The following QPCT variants were observed in gnomAD, a reference collection of about 807,000 sequenced individuals.
QPCT encodes the protein EC.
Under a neutral mutation model 43.4 loss-of-function variants are expected in QPCT, and 44 were observed. The ratio of observed to expected loss-of-function variants is 1.01; its 90% CI spans 0.80 to 1.30. The LOEUF (loss-of-function observed/expected upper bound fraction) is 1.30. QPCT is among the 50% of genes most tolerant of loss of function. QPCT has a pLI of 0.00. For synonymous variants in QPCT, 168 were observed against 168.4 expected, an observed-to-expected ratio of 1.00 and a Z score of 0.02; for missense variants, 526 against 436.5, an observed-to-expected ratio of 1.21 and a Z score of -1.83.
At chr2:37,345,339 ATG>A (rs1410825270) in intron 1 of QPCT, among the ~76,000 whole-genome samples, 1 of 152,100 alleles carries the variant, frequency 6.6e-6, no homozygotes, top group African/African-American at 2.4e-5. Context: ...CTCAGGACGG[ATG>A]TGTGTTGTTT....
chr2:37,352,205 C>T (rs942273872), intron 1 of QPCT, among the ~76,000 whole-genome samples: 3 of 152,126 alleles, frequency 2.0e-5, no homozygotes, highest in Admixed American at 2.0e-4. Context: ...ATTAGGCTTG[C>T]TATTAAAATC....
At chr2:37,362,570 T>C (rs997816582) in intron 3 of QPCT, among the ~76,000 whole-genome samples, 5 of 152,226 alleles carry the variant, frequency 3.3e-5, no homozygotes, top group Non-Finnish European at 5.9e-5. Flanking sequence ...TTTTTTTCTC[T>C]TTTGAAATCA....
At chr2:37,355,765 A>C (rs1433160013) in intron 2 of QPCT, among the ~76,000 whole-genome samples, 1 of 152,204 alleles carries the variant, frequency 6.6e-6, no homozygotes, top group Non-Finnish European at 1.5e-5. Flanking sequence ...GATAGAAATA[A>C]AAAAATTAAA....
chr2:37,362,358 C>T (rs887158572), intron 3 of QPCT, among the ~76,000 whole-genome samples: 3 of 152,116 alleles, frequency 2.0e-5, no homozygotes, highest in South Asian at 2.1e-4. Context: ...TTTTTGCCAA[C>T]GAGAAAATCT....
chr2:37,359,552 A>G (rs1672820629), intron 2 of QPCT, 28 bp from the exon 3 acceptor site: 1 of 1,579,496 alleles, frequency 6.3e-7, no homozygotes, highest in African/African-American at 1.4e-5. Flanking sequence ...CTTTAGATCT[A>G]AATTTTTTGT....
chr2:37,344,926 T>G, intron 1 of QPCT, 75 bp downstream of exon 1: 1 of 1,459,562 alleles, frequency 6.9e-7, no homozygotes, highest in African/African-American at 1.5e-5. Flanking sequence ...GGGTCAGCCC[T>G]ACCTAGGCAG....
Position 37,344,652 on chromosome 2 carries a change from A to C in QPCT, c.-80A>C. On this transcript the variant is annotated 5_prime_UTR_variant, in exon 1 of 7. Transcript: ENST00000338415. Reference sequence around the variant, plus strand: ...CGCAGTCGACCCAAGGGTGGAGAAGAGGGAAGGCGAAGGACGCGCGTTCCC... The same window carrying C: ...CGCAGTCGACCCAAGGGTGGAGAAGCGGGAAGGCGAAGGACGCGCGTTCCC... 2.6e-6 allele frequency: 4 copies of C among 1,518,294 alleles called. No homozygotes were observed. The highest frequency in any genetic ancestry group is 2.5e-5 in the East Asian group (1 of 39,732). 94.1% of individuals were successfully genotyped at this position (1,518,294 alleles called of 1,614,324 possible).
chr2:37,363,680 A>G (rs1399984805), intron 3 of QPCT, among the ~76,000 whole-genome samples: 6 of 147,738 alleles, frequency 4.1e-5, no homozygotes, highest in Non-Finnish European at 5.9e-5. Flanking sequence ...AAAAAAAAAA[A>G]TAGAAAGCAA....
Position 37,367,410 on chromosome 2 carries a change from T to C in QPCT, c.723+2T>C. ...GGCACCAGCCAACTGCATGGCATGG[T>C]TAGTCTGGGCAATTTCCCTAGCACT... On this transcript the variant is annotated splice_donor_variant, in intron 4 of 6. Transcript: ENST00000338415. LOFTEE classifies it high-confidence loss of function. 6.2e-7 allele frequency: 1 copy of C among 1,612,680 alleles called. No individual in the cohort carries two copies. The highest frequency in any genetic ancestry group is 8.5e-7 in the Non-Finnish European group (1 of 1,179,490).
chr2:37,348,165 G>A (rs1672546186), intron 1 of QPCT, among the ~76,000 whole-genome samples: 2 of 152,130 alleles, frequency 1.3e-5, no homozygotes, highest in Admixed American at 6.5e-5. Context: ...GTTGGGGGCT[G>A]GGTGTTGGTA....
At chr2:37,371,840 G>A (rs1208412591) in intron 5 of QPCT, among the ~76,000 whole-genome samples, 1 of 152,118 alleles carries the variant, frequency 6.6e-6, no homozygotes, top group East Asian at 1.9e-4. Flanking sequence ...AGGTGTTGCT[G>A]ATGTTGCTGG....
intron 1 of QPCT, among the ~76,000 whole-genome samples, chr2:37,348,492 G>A (rs1672554604): frequency 6.6e-6 from 1 of 152,204 alleles, no homozygotes; most frequent in Non-Finnish European, 1.5e-5. Context: ...ACAGACAGAG[G>A]TGTTAATCTG....
At position 37,372,848 on chromosome 2, in the gene QPCT, T is replaced by C; in HGVS notation, c.*21T>C. 1 of 1,574,216 alleles carries C rather than the reference T, an allele frequency of 6.4e-7. No homozygotes were observed. The highest frequency in any genetic ancestry group is 8.6e-7 in the Non-Finnish European group (1 of 1,157,292). On this transcript the variant is annotated 3_prime_UTR_variant, in exon 7 of 7. Transcript: ENST00000338415. ...TGTAATACTCTGATTTAGTTTAGGA[T>C]AATTGGTTCTAGAATTGAATTCAAA...
rs760121987 is a variant in QPCT, at chr2:37,367,422, A to G, written c.723+14A>G. The stretch of plus-strand genomic sequence containing the variant: ...CTGCATGGCATGGTTAGTCTGGGCA[A>G]TTTCCCTAGCACTGTAGCTGTAGGC... On this transcript the variant is annotated intron_variant, in intron 4 of 6. Coordinates refer to ENST00000338415, the MANE Select transcript of QPCT (RefSeq NM_012413.4). 3 of 1,611,448 alleles carry G rather than the reference A, an allele frequency of 1.9e-6. No individual in the cohort carries two copies. The highest frequency in any genetic ancestry group is 1.3e-5 in the African/African-American group (1 of 74,786).
At chr2:37,354,074 A>G (rs183068430) in intron 2 of QPCT, among the ~76,000 whole-genome samples, 18 of 152,334 alleles carry the variant, frequency 1.2e-4, no homozygotes, top group Admixed American at 1.0e-3. Flanking sequence ...CACGTTGGCC[A>G]GGATGGTCTC....
In QPCT at chr2:37,359,618, G is replaced by C. The variant is rs1672822190; in HGVS notation, c.306G>C (p.Trp102Cys). Residue 102 changes from tryptophan (W) to cysteine (C), a missense_variant, in exon 3 of 7, where the codon TGG (tryptophan) becomes TGC (cysteine). Coordinates refer to ENST00000338415, the MANE Select transcript of QPCT (RefSeq NM_012413.4). Reference sequence around the variant, plus strand: ...GAATTCAGAGGCTTCAGGCTGACTGGGTCTTGGAAATAGACACCTTCTTGA... The same window carrying C: ...GAATTCAGAGGCTTCAGGCTGACTGCGTCTTGGAAATAGACACCTTCTTGA... ...MQRIQRLQAD[W>C]VLEIDTFLSQ... 1 of 1,614,052 alleles carries C rather than the reference G, an allele frequency of 6.2e-7. No individual in the cohort carries two copies. Among genetic ancestry groups the C allele is most frequent in the South Asian group, 1.1e-5 (1 of 91,080 alleles).
At chr2:37,347,586 T>C (rs778893434) in intron 1 of QPCT, among the ~76,000 whole-genome samples, 18 of 152,034 alleles carry the variant, frequency 1.2e-4, no homozygotes, top group Non-Finnish European at 2.2e-4. Context: ...TTTGGTACCT[T>C]CTCTTCTGAC....
chr2:37,369,813 A>C, intron 5 of QPCT, 29 bp downstream of exon 5: 1 of 1,503,820 alleles, frequency 6.6e-7, no homozygotes, highest in Non-Finnish European at 9.3e-7. Flanking sequence ...AATGAATAAA[A>C]CATCATTTCT....
chr2:37,347,319 A>T (rs1672526868), intron 1 of QPCT, among the ~76,000 whole-genome samples: 1 of 146,562 alleles, frequency 6.8e-6, no homozygotes, highest in Non-Finnish European at 1.5e-5. Flanking sequence ...TTCATCCTCA[A>T]TTTATGGTTG....
Sources: allele counts gnomAD v4.1 joint callset (sites outside exome capture counted in the v4.1 genomes callset), GRCh38; gene constraint gnomAD v4.1.1; transcripts MANE v1.5; gene names NCBI Gene and HGNC (gene_info 2026-07-23, HGNC 2026-07-21).